Variants in STAC observed in about 807,000 individuals in gnomAD.
STAC encodes the protein SH3 and cysteine rich domain, also known as SH3 and cysteine-rich domain-containing protein.
STAC carries 43 observed loss-of-function variants against 48.8 expected under a neutral mutation model. That is an observed-to-expected ratio of 0.88 (90% CI 0.69 to 1.14). The LOEUF (loss-of-function observed/expected upper bound fraction) is 1.14, where lower values mean the gene tolerates loss of function less well. Among genes scored for constraint, STAC ranks in the 50% most tolerant of loss-of-function variants. The probability of loss-of-function intolerance (pLI) is 0.00; values close to 1 mark genes in which losing one functional copy is unlikely to be tolerated. For missense variants in STAC, 497 were observed against 504.0 expected, an observed-to-expected ratio of 0.99 and a Z score of 0.13; for synonymous variants, 193 against 179.5, an observed-to-expected ratio of 1.07 and a Z score of -0.60.
At chr3:36,481,188 A>G (rs779334207) in intron 2 of STAC, among the ~76,000 whole-genome samples, 12 of 152,212 alleles carry the variant, frequency 7.9e-5, no homozygotes, top group Non-Finnish European at 5.9e-5. Flanking sequence ...CGAGTATTCA[A>G]GGAACTATAA....
At chr3:36,459,831 G>A (rs1696957873) in intron 2 of STAC, among the ~76,000 whole-genome samples, 1 of 152,126 alleles carries the variant, frequency 6.6e-6, no homozygotes, top group Admixed American at 6.5e-5. Context: ...AGACAGAAAT[G>A]CAATGTCAGG....
At chr3:36,465,403 G>T (rs539124106) in intron 2 of STAC, among the ~76,000 whole-genome samples, 119 of 152,280 alleles carry the variant, frequency 7.8e-4, no homozygotes, top group Middle Eastern at 3.4e-3. Context: ...CTCCCATTCT[G>T]TGGGCTGTGT....
intron 2 of STAC, among the ~76,000 whole-genome samples, chr3:36,463,309 T>C (rs1559501276): frequency 6.6e-6 from 1 of 152,096 alleles, no homozygotes; most frequent in Non-Finnish European, 1.5e-5. Context: ...TTTCTTTTAA[T>C]TTCATCCTCA....
chr3:36,438,958 T>A (rs1333757997), intron 1 of STAC, among the ~76,000 whole-genome samples: 1 of 152,114 alleles, frequency 6.6e-6, no homozygotes, highest in East Asian at 1.9e-4. Flanking sequence ...TTGAAATATA[T>A]AAAATGAAAG....
intron 8 of STAC, among the ~76,000 whole-genome samples, chr3:36,506,967 T>C (rs1698417545): frequency 6.6e-6 from 1 of 152,192 alleles, no homozygotes; most frequent in Non-Finnish European, 1.5e-5. Context: ...CTATGTTGAA[T>C]AGGAGTGGTG....
chr3:36,398,339 GA>G (rs1195842079), intron 1 of STAC, among the ~76,000 whole-genome samples: 1 of 131,346 alleles, frequency 7.6e-6, no homozygotes, highest in African/African-American at 2.9e-5. Flanking sequence ...AAGAAAGAAA[GA>G]AAGAAAGAAA....
chr3:36,461,148 CTT>C (rs1225473570), intron 2 of STAC, among the ~76,000 whole-genome samples: 1 of 152,074 alleles, frequency 6.6e-6, no homozygotes, highest in Non-Finnish European at 1.5e-5. Flanking sequence ...TTTGCATGTA[CTT>C]TTCAATATTT....
At chr3:36,511,772 C>A in intron 8 of STAC, among the ~76,000 whole-genome samples, 1 of 152,166 alleles carries the variant, frequency 6.6e-6, no homozygotes, top group Admixed American at 6.6e-5. Flanking sequence ...ATTTCCCACA[C>A]ATGGTCCACC....
At chr3:36,492,062 A>ATATATATATG (rs1698000777) in intron 5 of STAC, among the ~76,000 whole-genome samples, 1 of 99,076 alleles carries the variant, frequency 1.0e-5, no homozygotes, top group African/African-American at 3.7e-5. Flanking sequence ...ATATATATAT[A>ATATATATATG]TATATGTGAC....
intron 1 of STAC, among the ~76,000 whole-genome samples, chr3:36,400,817 G>C (rs1699986178): frequency 6.6e-6 from 1 of 152,120 alleles, no homozygotes; most frequent in African/African-American, 2.4e-5. Flanking sequence ...TTATTGCTTT[G>C]ACCATAATTA....
At chr3:36,545,644 C>T (rs906761290) in intron 10 of STAC, among the ~76,000 whole-genome samples, 10 of 152,190 alleles carry the variant, frequency 6.6e-5, no homozygotes, top group African/African-American at 2.4e-4. Flanking sequence ...TTACCAACCC[C>T]TTTTTAAAGT....
intron 2 of STAC, among the ~76,000 whole-genome samples, chr3:36,463,561 C>T (rs1029014013): frequency 2.0e-5 from 3 of 150,008 alleles, no homozygotes; most frequent in African/African-American, 4.9e-5. Context: ...ATGTGCACAT[C>T]GTGCAGGTTA....
At chr3:36,435,141 C>T (rs150151419) in intron 1 of STAC, among the ~76,000 whole-genome samples, 53 of 152,224 alleles carry the variant, frequency 3.5e-4, no homozygotes, top group Non-Finnish European at 6.5e-4. Flanking sequence ...TCTGAGCTAC[C>T]TTCCCATCCT....
chr3:36,542,192 C>T (rs1699345375), intron 10 of STAC, among the ~76,000 whole-genome samples: 1 of 152,172 alleles, frequency 6.6e-6, no homozygotes. Flanking sequence ...AACCTTTTAA[C>T]ACCTGTTTGC....
intron 2 of STAC, among the ~76,000 whole-genome samples, chr3:36,466,931 C>T (rs1697194127): frequency 6.6e-6 from 1 of 151,526 alleles, no homozygotes; most frequent in Non-Finnish European, 1.5e-5. Flanking sequence ...TTCCAGTTCT[C>T]GGGGGGAATG....
intron 6 of STAC, among the ~76,000 whole-genome samples, chr3:36,495,667 C>T (rs1698134307): frequency 6.6e-6 from 1 of 152,264 alleles, no homozygotes; most frequent in Admixed American, 6.5e-5. Context: ...ACAATTTACA[C>T]TGAGGGTTTC....
chr3:36,544,415 C>G (rs1262949192), intron 10 of STAC, among the ~76,000 whole-genome samples: 7 of 152,122 alleles, frequency 4.6e-5, no homozygotes, highest in Non-Finnish European at 1.0e-4. Flanking sequence ...AGTGATCCAC[C>G]CATCTCGGCC....
intron 1 of STAC, among the ~76,000 whole-genome samples, chr3:36,400,481 A>T (rs930539445): frequency 6.6e-6 from 1 of 152,222 alleles, no homozygotes; most frequent in Non-Finnish European, 1.5e-5. Flanking sequence ...TAACACACAC[A>T]TACTACAAGC....
At position 36,485,088 on chromosome 3, in the gene STAC, A is replaced by G. The variant is rs764252513; in HGVS notation, c.571+30A>G. The G allele has an allele frequency of 2.6e-6, 4 of 1,559,642 alleles. No individual in the cohort carries two copies. The East Asian group carries it at 9.5e-5, about 37-fold the overall frequency. ...GTTGGGACATTGATGGGTTGAGTTG[A>G]GTTTGAAGCAGCAAAGTTAACATTA... On this transcript the variant is annotated intron_variant, in intron 4 of 10. Transcript: ENST00000273183.
Sources: gnomAD v4.1 joint callset for allele counts (sites outside exome capture counted in the v4.1 genomes callset) on GRCh38, gnomAD v4.1.1 for gene constraint, MANE v1.5 for transcripts, NCBI Gene and HGNC (gene_info 2026-07-23, HGNC 2026-07-21) for gene names.